Variants in GANC observed in about 807,000 individuals in gnomAD.
GANC encodes the protein neutral alpha-glucosidase C.
GANC carries 117 observed loss-of-function variants against 124.2 expected under a neutral mutation model. The observed-to-expected ratio is 0.94, with a 90% confidence interval of 0.81 to 1.10. The LOEUF (loss-of-function observed/expected upper bound fraction) is 1.10. GANC is among the 50% of genes least tolerant of loss of function. GANC has a pLI of 0.00. For missense variants in GANC, 1,140 were observed against 1,095.0 expected (o/e 1.04, Z -0.58); for synonymous variants, 377 against 376.8 (o/e 1.00, Z -0.01).
At chr15:42,334,307 G>A (rs1053478207) in intron 15 of GANC, among the ~76,000 whole-genome samples, 1 of 151,986 alleles carries the variant, frequency 6.6e-6, no homozygotes, top group African/African-American at 2.4e-5. Flanking sequence ...GATTACAGGT[G>A]CCCACCACCA....
At position 42,343,110 on chromosome 15, in the gene GANC, C is replaced by T. The variant is rs1205494962; in HGVS notation, c.2185C>T (p.Pro729Ser). 1 of 1,613,956 alleles carries T rather than the reference C, an allele frequency of 6.2e-7. No homozygotes were observed. Among genetic ancestry groups the T allele is most frequent in the Non-Finnish European group, 8.5e-7 (1 of 1,180,010 alleles). ...SALLVHPVTE[P>S]KATTVDVFLP... Reference sequence around the variant, plus strand: ...ATTATTGGTTCATCCAGTCACAGAACCAAAAGCCACCACAGTTGATGTGTT... The same window carrying T: ...ATTATTGGTTCATCCAGTCACAGAATCAAAAGCCACCACAGTTGATGTGTT... The change falls in exon 19 of 24, where the codon CCA becomes TCA. Residue 729 changes from proline (P) to serine (S), a missense_variant. Transcript: ENST00000318010.
chr15:42,283,915 C>T, intron 3 of GANC: 2 of 702,610 alleles, frequency 2.8e-6, no homozygotes, highest in South Asian at 3.0e-5. Flanking sequence ...GTGAGGTTGC[C>T]AGTATTCTTT....
chr15:42,283,833 G>A (rs746286998), intron 3 of GANC: 1 of 702,572 alleles, frequency 1.4e-6, no homozygotes, highest in Non-Finnish European at 2.6e-6. Context: ...CAGCTAATTT[G>A]GGAACTGGCC....
chr15:42,339,357 C>CACAG (rs2052310622), intron 16 of GANC, among the ~76,000 whole-genome samples: 1 of 132,308 alleles, frequency 7.6e-6, no homozygotes, highest in Non-Finnish European at 1.6e-5. Flanking sequence ...CACACACACA[C>CACAG]AGTTATTTAA....
At chr15:42,287,515 A>G (rs567454513) in intron 3 of GANC, among the ~76,000 whole-genome samples, 176 bp from the exon 4 acceptor site, 1 of 152,274 alleles carries the variant, frequency 6.6e-6, no homozygotes, top group South Asian at 2.1e-4. Context: ...TGCTGTAGCT[A>G]TAGTCAAGCA....
chr15:42,282,367 T>C (rs1322605485), intron 3 of GANC, among the ~76,000 whole-genome samples: 1 of 152,208 alleles, frequency 6.6e-6, no homozygotes, highest in Non-Finnish European at 1.5e-5. Context: ...TAAAAATGGT[T>C]TCTGGGATAA....
intron 5 of GANC, among the ~76,000 whole-genome samples, chr15:42,294,214 A>G (rs1200957548): frequency 1.3e-5 from 2 of 151,416 alleles, no homozygotes; most frequent in African/African-American, 2.5e-5. Context: ...ACACATTTCT[A>G]TGTAATAATA....
intron 1 of GANC, among the ~76,000 whole-genome samples, chr15:42,275,143 A>AGGGG (rs2051652012): frequency 6.6e-6 from 1 of 152,156 alleles, no homozygotes; most frequent in Non-Finnish European, 1.5e-5. Flanking sequence ...GGAGGCCTAT[A>AGGGG]GGTGGGCAGA....
chr15:42,307,863 C>T (rs2052013221), intron 7 of GANC, among the ~76,000 whole-genome samples: 1 of 151,950 alleles, frequency 6.6e-6, no homozygotes, highest in South Asian at 2.1e-4. Context: ...TCCTTTGCTT[C>T]CTAAAGCAAA....
At chr15:42,300,356 C>T (rs1237519456) in intron 6 of GANC, among the ~76,000 whole-genome samples, 1 of 152,154 alleles carries the variant, frequency 6.6e-6, no homozygotes, top group Non-Finnish European at 1.5e-5. Context: ...AAAAAAAGCT[C>T]AACATCACTG....
At chr15:42,284,520 A>G (rs968615014) in intron 3 of GANC, 2 of 155,242 alleles carry the variant, frequency 1.3e-5, no homozygotes, top group African/African-American at 4.8e-5. Flanking sequence ...GCTTCTAAGT[A>G]AAGGTATGTG....
chr15:42,330,770 C>CTTTTTTTTTTTT (rs71108160), intron 15 of GANC, 98 bp downstream of exon 15: 21 of 361,068 alleles, frequency 5.8e-5, no homozygotes, highest in South Asian at 3.0e-4. Context: ...CTTCCTTTTC[C>CTTTTTTTTTTTT]TTTTTTTTTT....
In GANC at chr15:42,310,826, A is replaced by G. The variant is rs964711791; in HGVS notation, c.1037A>G (p.Lys346Arg). 1 of 1,613,930 alleles carries G rather than the reference A, an allele frequency of 6.2e-7. No homozygotes were observed. The highest frequency in any genetic ancestry group is 8.5e-7 in the Non-Finnish European group (1 of 1,179,876). Residue 346 changes from lysine (K) to arginine (R), a missense_variant, in exon 10 of 24, where the codon AAA becomes AGA. Coordinates refer to ENST00000318010, the MANE Select transcript of GANC (RefSeq NM_198141.3). ...LTGPTPSDVF[K>R]QYSHLTGTQA... ...GGACCTACACCTTCTGATGTCTTCA[A>G]ACAGTACTCACACCTTACAGGTATT...
At chr15:42,289,447 A>G (rs1488931819) in intron 4 of GANC, among the ~76,000 whole-genome samples, 1 of 152,182 alleles carries the variant, frequency 6.6e-6, no homozygotes, top group African/African-American at 2.4e-5. Context: ...GTATTGTTCT[A>G]GGGGGTCATT....
intron 4 of GANC, among the ~76,000 whole-genome samples, chr15:42,289,949 T>G (rs923231844): frequency 6.6e-6 from 1 of 152,148 alleles, no homozygotes; most frequent in Non-Finnish European, 1.5e-5. Context: ...GAAGACATAG[T>G]GATAAGGCAG....
intron 8 of GANC, among the ~76,000 whole-genome samples, chr15:42,308,609 G>C (rs1215541054): frequency 6.6e-6 from 1 of 152,150 alleles, no homozygotes. Flanking sequence ...TCAGCCTCCT[G>C]AGTAGCTGAG....
intron 6 of GANC, among the ~76,000 whole-genome samples, chr15:42,302,771 T>C (rs1320854597): frequency 6.6e-6 from 1 of 151,912 alleles, no homozygotes; most frequent in Non-Finnish European, 1.5e-5. Context: ...GAAGATCAAC[T>C]TAATGGAATA....
chr15:42,334,800 C>T (rs968886888), intron 15 of GANC, among the ~76,000 whole-genome samples: 5 of 150,906 alleles, frequency 3.3e-5, no homozygotes, highest in Non-Finnish European at 7.4e-5. Flanking sequence ...GCTAGCTAGA[C>T]TAATAAAGAA....
At chr15:42,289,592 G>A (rs1228013181) in intron 4 of GANC, among the ~76,000 whole-genome samples, 2 of 152,100 alleles carry the variant, frequency 1.3e-5, no homozygotes, top group East Asian at 1.9e-4. Flanking sequence ...TTGAGCCTTG[G>A]TTGATAAAGT....
Sources: allele counts gnomAD v4.1 joint callset (sites outside exome capture counted in the v4.1 genomes callset), GRCh38; gene constraint gnomAD v4.1.1; transcripts MANE v1.5; gene names NCBI Gene and HGNC (gene_info 2026-07-23, HGNC 2026-07-21).